The following ADGRL3 variants were observed in gnomAD, a reference collection of about 807,000 sequenced individuals.
ADGRL3 encodes adhesion G protein-coupled receptor L3.
In ADGRL3, 62 loss-of-function variants were observed where a neutral mutation model predicts 153.5. The ratio of observed to expected loss-of-function variants is 0.40; its 90% CI spans 0.33 to 0.50. The LOEUF (loss-of-function observed/expected upper bound fraction) is 0.50, where lower values mean the gene tolerates loss of function less well. Among genes scored for constraint, ADGRL3 ranks in the 20% least tolerant of loss-of-function variants. The pLI is 0.47. For missense variants in ADGRL3, 1,641 were observed against 1,859.4 expected, an observed-to-expected ratio of 0.88 and a Z score of 2.16; for synonymous variants, 710 against 672.5, an observed-to-expected ratio of 1.06 and a Z score of -0.86.
At chr4:61,211,139 T>C (rs550501823) in intron 1 of ADGRL3, among the ~76,000 whole-genome samples, 72 of 152,330 alleles carry the variant, frequency 4.7e-4, no homozygotes, top group Middle Eastern at 3.4e-3. Context: ...ATGGGTGTTT[T>C]CACTATTTCT....
intron 4 of ADGRL3, among the ~76,000 whole-genome samples, chr4:61,566,158 A>G (rs2098815339): frequency 6.6e-6 from 1 of 151,158 alleles, no homozygotes; most frequent in African/African-American, 2.4e-5. Context: ...CAGTTCTGTA[A>G]TCTAGAAATC....
At chr4:61,473,039 T>G (rs1425890114) in intron 2 of ADGRL3, among the ~76,000 whole-genome samples, 2 of 152,148 alleles carry the variant, frequency 1.3e-5, no homozygotes, top group Non-Finnish European at 2.9e-5. Context: ...ACATTGGATT[T>G]GACAATAAGT....
chr4:61,517,252 G>T, intron 3 of ADGRL3, 63 bp from the exon 4 acceptor site: 1 of 688,028 alleles, frequency 1.5e-6, no homozygotes, highest in South Asian at 1.5e-5. Flanking sequence ...CCTCTACCAG[G>T]GCTCCCCTGA....
intron 2 of ADGRL3, among the ~76,000 whole-genome samples, chr4:61,404,323 C>T (rs1332605985): frequency 1.3e-5 from 2 of 151,984 alleles, no homozygotes; most frequent in African/African-American, 2.4e-5. Flanking sequence ...GAGCAGACCT[C>T]CCTGAGGACT....
chr4:61,425,159 A>C (rs1035361343), intron 2 of ADGRL3, among the ~76,000 whole-genome samples: 3 of 152,124 alleles, frequency 2.0e-5, no homozygotes, highest in African/African-American at 7.2e-5. Context: ...CCATGTTGAC[A>C]CCATCCCATT....
intron 2 of ADGRL3, among the ~76,000 whole-genome samples, chr4:61,422,042 T>C (rs918187182): frequency 6.6e-6 from 1 of 152,158 alleles, no homozygotes; most frequent in Non-Finnish European, 1.5e-5. Context: ...TTAACTTATA[T>C]AATATTTATA....
intron 1 of ADGRL3, among the ~76,000 whole-genome samples, chr4:61,225,993 A>G (rs571957200): frequency 5.9e-5 from 9 of 151,662 alleles, no homozygotes; most frequent in South Asian, 4.1e-4. Flanking sequence ...TCAAGTTCTC[A>G]TTTTTCCGTA....
At chr4:61,914,860 C>T (rs542265531) in intron 13 of ADGRL3, among the ~76,000 whole-genome samples, 1 of 152,140 alleles carries the variant, frequency 6.6e-6, no homozygotes, top group Admixed American at 6.6e-5. Context: ...CCTGCTTTTG[C>T]TGTTTTCTCA....
chr4:61,650,508 T>C (rs1470874710), intron 5 of ADGRL3, among the ~76,000 whole-genome samples: 1 of 152,136 alleles, frequency 6.6e-6, no homozygotes, highest in Admixed American at 6.6e-5. Context: ...AAAACTTAAA[T>C]AGTAAATTTT....
At chr4:62,050,677 CACTCAT>C (rs756248078) in intron 25 of ADGRL3, among the ~76,000 whole-genome samples, 2 of 152,078 alleles carry the variant, frequency 1.3e-5, no homozygotes, top group Admixed American at 6.6e-5. Flanking sequence ...TAGGGCAAAA[CACTCAT>C]ACTCATTCAC....
At chr4:61,618,176 C>T (rs538516804) in intron 5 of ADGRL3, among the ~76,000 whole-genome samples, 1 of 152,040 alleles carries the variant, frequency 6.6e-6, no homozygotes, top group East Asian at 1.9e-4. Flanking sequence ...AAAGATGCTG[C>T]CTTGAAAAGT....
chr4:61,831,273 C>T (rs2097864759), intron 9 of ADGRL3, among the ~76,000 whole-genome samples: 1 of 151,932 alleles, frequency 6.6e-6, no homozygotes, highest in African/African-American at 2.4e-5. Flanking sequence ...TGACCGATGG[C>T]ACTCACACTG....
intron 8 of ADGRL3, among the ~76,000 whole-genome samples, chr4:61,754,092 C>T (rs1032162489): frequency 2.6e-5 from 4 of 152,130 alleles, no homozygotes; most frequent in South Asian, 2.1e-4. Context: ...AGGCCAGTTT[C>T]GAAGGGTCTT....
chr4:61,835,030 T>A (rs1449555919), intron 9 of ADGRL3, among the ~76,000 whole-genome samples: 8 of 152,130 alleles, frequency 5.3e-5, no homozygotes, highest in Non-Finnish European at 1.0e-4. Context: ...CATTAGCCAT[T>A]TCTTAAAGTG....
intron 6 of ADGRL3, among the ~76,000 whole-genome samples, chr4:61,713,765 A>T (rs1272303848): frequency 7.2e-5 from 11 of 152,178 alleles, no homozygotes. Context: ...AATTTCTTAC[A>T]ATAGAGGTCT....
intron 4 of ADGRL3, among the ~76,000 whole-genome samples, chr4:61,557,481 A>T (rs2148911692): frequency 6.6e-6 from 1 of 152,294 alleles, no homozygotes; most frequent in East Asian, 1.9e-4. Flanking sequence ...TAAAGCAGTA[A>T]AAGTCTATAA....
chr4:61,337,211 T>A (rs2095697024), intron 1 of ADGRL3, among the ~76,000 whole-genome samples: 1 of 152,178 alleles, frequency 6.6e-6, no homozygotes, highest in African/African-American at 2.4e-5. Flanking sequence ...CCAAGGAAGA[T>A]GTACCCCTGA....
At position 61,904,570 on chromosome 4, in the gene ADGRL3, T is replaced by G. The variant is rs141076233; in HGVS notation, c.1888-4990T>G. ...ATTTTTTACTACCCTTTGATATCAA[T>G]AAATTTTTATATAAGAGAATTGCAT... is the stretch of plus-strand genomic sequence containing the variant. On this transcript the variant is annotated intron_variant, in intron 11 of 26. Transcript: ENST00000683033. Among the ~76,000 whole-genome samples the G allele has an allele frequency of 4.6e-3, 703 of 152,284 alleles. 5 individuals are homozygous for G. The highest frequency in any genetic ancestry group is 0.016 in the African/African-American group (682 of 41,558).
intron 16 of ADGRL3, among the ~76,000 whole-genome samples, chr4:61,947,371 A>G (rs1362110137): frequency 6.6e-6 from 1 of 152,196 alleles, no homozygotes; most frequent in Non-Finnish European, 1.5e-5. Context: ...ATAACTAAAA[A>G]GAGCTAGCTC....
Sources: allele counts gnomAD v4.1 joint callset (sites outside exome capture counted in the v4.1 genomes callset), GRCh38; gene constraint gnomAD v4.1.1; transcripts MANE v1.5; gene names NCBI Gene and HGNC (gene_info 2026-07-23, HGNC 2026-07-21).